The following EDIL3 variants were observed in gnomAD, a reference collection of about 807,000 sequenced individuals.
EDIL3 encodes the protein EGF like and discoidin domains 3, also known as EGF-like repeat and discoidin I-like domain-containing protein 3.
A neutral mutation model predicts 67.4 loss-of-function variants in EDIL3; 37 were observed. The observed-to-expected ratio is 0.55, with a 90% CI of 0.42 to 0.72. The LOEUF (loss-of-function observed/expected upper bound fraction) is 0.72. Among genes scored for constraint, EDIL3 ranks in the 30% least tolerant of loss-of-function variants. The pLI is 0.00. For synonymous variants in EDIL3, 195 were observed against 196.3 expected, an observed-to-expected ratio of 0.99 and a Z score of 0.05; for missense variants, 527 against 586.3, an observed-to-expected ratio of 0.90 and a Z score of 1.04.
rs1744773008 is a variant in EDIL3, at chr5:83,970,519, T to C, written c.1138-7159A>G. Among the ~76,000 whole-genome samples, 3 of 148,646 alleles carry C rather than the reference T, an allele frequency of 2.0e-5. 1 individual carries two copies. The highest frequency in any genetic ancestry group is 4.2e-4 in the South Asian group (2 of 4,772). On this transcript the variant is annotated intron_variant, in intron 9 of 10. Transcript: ENST00000296591. ...TTGTATGGCTAAAAAGATAATTTAC[T>C]TGATTAGATCAGTTAAATCTACAAT...
intron 3 of EDIL3, among the ~76,000 whole-genome samples, chr5:84,187,792 C>T (rs1256775412): frequency 6.6e-6 from 1 of 151,856 alleles, no homozygotes; most frequent in Admixed American, 6.6e-5. Context: ...ACATGATTGA[C>T]GTTTGCAAGC....
Position 84,214,153 on chromosome 5 carries a change from C to T in EDIL3, c.226+15702G>A, listed in dbSNP as rs149578008. Among the ~76,000 whole-genome samples, 200 of 152,276 alleles carry T rather than the reference C, an allele frequency of 1.3e-3. 1 individual carries two copies. Among genetic ancestry groups the T allele is most frequent in the South Asian group, 6.2e-4 (3 of 4,826 alleles). ...ATTACTAACAATGGCTAAATCATTG[C>T]CACTGTTACAACACCACACTGAAAG... On this transcript the variant is annotated intron_variant, in intron 3 of 10. Transcript: ENST00000296591.
intron 4 of EDIL3, among the ~76,000 whole-genome samples, chr5:84,173,699 A>C (rs1191614237): frequency 6.6e-6 from 1 of 152,168 alleles, no homozygotes; most frequent in Non-Finnish European, 1.5e-5. Context: ...CCGGCCTGGA[A>C]GCAGCACCTC....
chr5:83,956,559 C>T (rs1160770047), intron 10 of EDIL3, among the ~76,000 whole-genome samples: 1 of 151,732 alleles, frequency 6.6e-6, no homozygotes, highest in Non-Finnish European at 1.5e-5. Flanking sequence ...GGCCTGCAAA[C>T]CACTTTCACT....
intron 1 of EDIL3, among the ~76,000 whole-genome samples, chr5:84,374,094 G>A (rs1176260237): frequency 6.6e-6 from 1 of 152,022 alleles, no homozygotes; most frequent in African/African-American, 2.4e-5. Flanking sequence ...GAAAGAAAGT[G>A]TTATGTGCTA....
chr5:84,233,858 G>C (rs1196568722), intron 2 of EDIL3, among the ~76,000 whole-genome samples: 1 of 152,184 alleles, frequency 6.6e-6, no homozygotes, highest in Non-Finnish European at 1.5e-5. Flanking sequence ...TTGCAACCAT[G>C]ATGGGAGACA....
At chr5:84,214,655 A>G (rs1466116854) in intron 3 of EDIL3, among the ~76,000 whole-genome samples, 1 of 151,646 alleles carries the variant, frequency 6.6e-6, no homozygotes, top group African/African-American at 2.4e-5. Flanking sequence ...TATTTCTTCT[A>G]TTTGGAAATA....
At chr5:84,274,892 T>C (rs1303315102) in intron 1 of EDIL3, among the ~76,000 whole-genome samples, 1 of 152,202 alleles carries the variant, frequency 6.6e-6, no homozygotes, top group Non-Finnish European at 1.5e-5. Flanking sequence ...AATTTAATTC[T>C]TTTAGTGTAT....
chr5:84,232,556 A>C (rs1744603665), intron 2 of EDIL3, among the ~76,000 whole-genome samples: 1 of 151,146 alleles, frequency 6.6e-6, no homozygotes, highest in Non-Finnish European at 1.5e-5. Context: ...CAAATCCCAC[A>C]GGGCAAGCTG....
chr5:84,343,998 A>T (rs1747183258), intron 1 of EDIL3, among the ~76,000 whole-genome samples: 1 of 152,118 alleles, frequency 6.6e-6, no homozygotes, highest in African/African-American at 2.4e-5. Flanking sequence ...GGAGAACACC[A>T]CTTTTCTGAG....
At chr5:84,372,828 T>C (rs1747883098) in intron 1 of EDIL3, among the ~76,000 whole-genome samples, 1 of 152,174 alleles carries the variant, frequency 6.6e-6, no homozygotes, top group Admixed American at 6.5e-5. Flanking sequence ...CTTAAAAGCA[T>C]TGATCTTAAT....
At chr5:84,203,378 T>A (rs772664083) in intron 3 of EDIL3, among the ~76,000 whole-genome samples, 2 of 152,034 alleles carry the variant, frequency 1.3e-5, no homozygotes, top group Non-Finnish European at 2.9e-5. Context: ...ATAAAAAAAG[T>A]CTCCAGCAAA....
At chr5:84,200,124 G>T (rs1294341784) in intron 3 of EDIL3, among the ~76,000 whole-genome samples, 1 of 152,032 alleles carries the variant, frequency 6.6e-6, no homozygotes, top group African/African-American at 2.4e-5. Flanking sequence ...ATGAGTTATA[G>T]ATATTGTATG....
intron 9 of EDIL3, among the ~76,000 whole-genome samples, chr5:84,021,251 T>C (rs1323537548): frequency 1.3e-5 from 2 of 151,992 alleles, no homozygotes; most frequent in African/African-American, 4.8e-5. Context: ...CATGTCTTTC[T>C]TTCTGCTAAT....
intron 3 of EDIL3, among the ~76,000 whole-genome samples, chr5:84,213,595 T>C (rs1040991755): frequency 2.0e-5 from 3 of 152,184 alleles, no homozygotes; most frequent in Non-Finnish European, 4.4e-5. Context: ...ATTTTAAATA[T>C]TGGATTAAAA....
At chr5:84,293,491 G>GTT (rs1745969284) in intron 1 of EDIL3, among the ~76,000 whole-genome samples, 1 of 150,562 alleles carries the variant, frequency 6.6e-6, no homozygotes, top group African/African-American at 2.5e-5. Context: ...GCTAACTCTT[G>GTT]TTTTCAAGCG....
chr5:84,179,499 C>T (rs1031241257), intron 4 of EDIL3, among the ~76,000 whole-genome samples: 3 of 152,178 alleles, frequency 2.0e-5, no homozygotes, highest in Admixed American at 6.5e-5. Flanking sequence ...AGTCACAGAG[C>T]CTGAAGGCAC....
chr5:83,977,048 T>C (rs1475358685), intron 9 of EDIL3, among the ~76,000 whole-genome samples: 1 of 151,858 alleles, frequency 6.6e-6, no homozygotes, highest in Non-Finnish European at 1.5e-5. Context: ...TGAGGAACGT[T>C]CTTATACTTA....
At chr5:84,213,602 A>G (rs900764760) in intron 3 of EDIL3, among the ~76,000 whole-genome samples, 5 of 152,216 alleles carry the variant, frequency 3.3e-5, no homozygotes, top group African/African-American at 1.2e-4. Context: ...ATATTGGATT[A>G]AAACTCTAGA....
Sources: gnomAD v4.1 joint callset for allele counts (sites outside exome capture counted in the v4.1 genomes callset) on GRCh38, gnomAD v4.1.1 for gene constraint, MANE v1.5 for transcripts, NCBI Gene and HGNC (gene_info 2026-07-23, HGNC 2026-07-21) for gene names.